LRRC1: variants seen among roughly 807,000 people sequenced by gnomAD.
The protein encoded by LRRC1 is leucine-rich repeat-containing protein 1.
LRRC1 carries 28 observed loss-of-function variants against 69.9 expected under a neutral mutation model. The observed-to-expected ratio is 0.40, with a 90% CI of 0.30 to 0.55. The LOEUF (loss-of-function observed/expected upper bound fraction) is 0.55. LRRC1 is among the 20% of genes least tolerant of loss of function. LRRC1 has a pLI of 0.47. For synonymous variants in LRRC1, 236 were observed against 240.2 expected (o/e 0.98, Z 0.16); for missense variants, 498 against 609.0 (o/e 0.82, Z 1.92).
chr6:53,903,426 T>C (rs1253882007), intron 9 of LRRC1, among the ~76,000 whole-genome samples: 1 of 152,286 alleles, frequency 6.6e-6, no homozygotes, highest in Non-Finnish European at 1.5e-5. Flanking sequence ...TCTGCTTTTG[T>C]CAGCCCTTCA....
chr6:53,839,888 G>A (rs1463944249), intron 1 of LRRC1, among the ~76,000 whole-genome samples: 1 of 152,124 alleles, frequency 6.6e-6, no homozygotes, highest in Non-Finnish European at 1.5e-5. Context: ...TTCTGAAAGA[G>A]TTGCAAATTT....
At chr6:53,897,813 A>G (rs1767925045) in intron 7 of LRRC1, among the ~76,000 whole-genome samples, 1 of 152,160 alleles carries the variant, frequency 6.6e-6, no homozygotes, top group Admixed American at 6.5e-5. Context: ...AATGTTGCTT[A>G]TGGTTTAGCT....
At chr6:53,800,979 T>G (rs1239653141) in intron 1 of LRRC1, among the ~76,000 whole-genome samples, 1 of 152,216 alleles carries the variant, frequency 6.6e-6, no homozygotes, top group Non-Finnish European at 1.5e-5. Flanking sequence ...TTCTGTGACA[T>G]CTTGATGACC....
intron 2 of LRRC1, among the ~76,000 whole-genome samples, chr6:53,862,127 A>G (rs1252622612): frequency 6.6e-6 from 1 of 152,192 alleles, no homozygotes; most frequent in Non-Finnish European, 1.5e-5. Context: ...GAATTCTGGT[A>G]TGAACATACC....
chr6:53,886,517 A>T (rs1003554807), intron 4 of LRRC1, among the ~76,000 whole-genome samples: 2 of 152,228 alleles, frequency 1.3e-5, no homozygotes, highest in Non-Finnish European at 2.9e-5. Context: ...CAGTTCAAAG[A>T]CAATCATGAA....
At chr6:53,866,821 A>G (rs986194030) in intron 2 of LRRC1, among the ~76,000 whole-genome samples, 11 of 152,152 alleles carry the variant, frequency 7.2e-5, no homozygotes, top group Admixed American at 2.0e-4. Flanking sequence ...TAAATTATGT[A>G]TCTTGAAAAT....
intron 8 of LRRC1, among the ~76,000 whole-genome samples, chr6:53,900,190 A>G (rs891217462): frequency 4.6e-5 from 7 of 151,898 alleles, no homozygotes; most frequent in African/African-American, 1.7e-4. Flanking sequence ...GGCGCCCGCC[A>G]CCACGCCCGG....
chr6:53,858,587 G>A (rs1257298267), intron 2 of LRRC1, among the ~76,000 whole-genome samples: 1 of 152,218 alleles, frequency 6.6e-6, no homozygotes, highest in Non-Finnish European at 1.5e-5. Context: ...GAAAGAATGA[G>A]TGAATGGAGT....
At chr6:53,909,898 A>G (rs961862376) in intron 10 of LRRC1, among the ~76,000 whole-genome samples, 10 of 152,220 alleles carry the variant, frequency 6.6e-5, no homozygotes, top group Non-Finnish European at 1.5e-5. Flanking sequence ...AGGAAAGTGA[A>G]AGTTCCCTTA....
At position 53,907,674 on chromosome 6, in the gene LRRC1, C is replaced by A. The variant is rs138438446; in HGVS notation, c.990+3212C>A. On this transcript the variant is annotated intron_variant, in intron 10 of 13. Coordinates refer to ENST00000370888, the MANE Select transcript of LRRC1 (RefSeq NM_018214.5). ...TGCTTCTTAAATGCATGAAGATTCA[C>A]ATTGGCTGACTGCTTTGTGTGCTCT... Among the ~76,000 whole-genome samples the A allele has an allele frequency of 3.5e-3, 537 of 151,682 alleles. 7 individuals carry two copies. In the East Asian group the frequency reaches 0.041, roughly 11 times the overall value.
intron 11 of LRRC1, among the ~76,000 whole-genome samples, chr6:53,915,917 A>G (rs1057452631): frequency 4.6e-5 from 7 of 152,196 alleles, no homozygotes; most frequent in Non-Finnish European, 8.8e-5. Context: ...ACGTCATACC[A>G]TGGGAAATCA....
intron 1 of LRRC1, among the ~76,000 whole-genome samples, chr6:53,812,770 C>T (rs1764834603): frequency 6.8e-6 from 1 of 147,926 alleles, no homozygotes; most frequent in Non-Finnish European, 1.5e-5. Flanking sequence ...AACCTGTTGG[C>T]TTTAGTTTTC....
intron 4 of LRRC1, among the ~76,000 whole-genome samples, chr6:53,888,669 G>A (rs771385795): frequency 2.6e-5 from 4 of 152,102 alleles, no homozygotes; most frequent in Non-Finnish European, 5.9e-5. Context: ...ACATACAAAA[G>A]AATGAAGTTA....
rs1345985436 is a variant in LRRC1 at position 53,795,052 on chromosome 6, G to C, written c.-205G>C. 4 of 414,388 alleles carry C rather than the reference G, an allele frequency of 9.7e-6. No individual in the cohort carries two copies. Among genetic ancestry groups the C allele is most frequent in the South Asian group, 5.1e-5 (1 of 19,652 alleles). The allele number at this position is 414,388 out of a possible 1,614,324, so 25.7% of individuals were successfully genotyped here. A position where few individuals can be genotyped will look rare whatever the true frequency, so the allele number is the denominator to read the frequency against. On this transcript the variant is annotated 5_prime_UTR_variant, in exon 1 of 14. Transcript: ENST00000370888. Reference sequence around the variant, plus strand: ...GAGTGGAGGCACCGGCTGGCGGGCGGGGGTACAGGGACGGGGCAGGGGCTC... The same window carrying C: ...GAGTGGAGGCACCGGCTGGCGGGCGCGGGTACAGGGACGGGGCAGGGGCTC...
chr6:53,816,438 G>A (rs554379879), intron 1 of LRRC1, among the ~76,000 whole-genome samples: 2 of 151,570 alleles, frequency 1.3e-5, no homozygotes, highest in South Asian at 4.2e-4. Flanking sequence ...TGGTATCTCT[G>A]TCAAAAGCTT....
intron 2 of LRRC1, among the ~76,000 whole-genome samples, chr6:53,865,240 A>T (rs1766659576): frequency 6.6e-6 from 1 of 152,158 alleles, no homozygotes; most frequent in Admixed American, 6.5e-5. Flanking sequence ...ATAGCACTTT[A>T]ATATTGGTAA....
intron 4 of LRRC1, among the ~76,000 whole-genome samples, chr6:53,894,019 T>G (rs908255503): frequency 6.6e-6 from 1 of 152,236 alleles, no homozygotes; most frequent in Admixed American, 6.5e-5. Flanking sequence ...CAGCAAAAAT[T>G]CCAGTGTCTC....
At chr6:53,807,255 C>G (rs146541408) in intron 1 of LRRC1, among the ~76,000 whole-genome samples, 1 of 152,112 alleles carries the variant, frequency 6.6e-6, no homozygotes, top group Admixed American at 6.5e-5. Context: ...GGGTCTCTGC[C>G]GGATCCTGAC....
At chr6:53,920,165 G>T (rs1768693826) in intron 12 of LRRC1, among the ~76,000 whole-genome samples, 1 of 152,176 alleles carries the variant, frequency 6.6e-6, no homozygotes, top group Non-Finnish European at 1.5e-5. Flanking sequence ...GTGTCCTGGG[G>T]GAATGGGAGC....
Sources: allele counts gnomAD v4.1 joint callset (sites outside exome capture counted in the v4.1 genomes callset), GRCh38; gene constraint gnomAD v4.1.1; transcripts MANE v1.5; gene names NCBI Gene and HGNC (gene_info 2026-07-23, HGNC 2026-07-21).